The following NEGR1 variants were observed in gnomAD, a reference collection of about 807,000 sequenced individuals.
The protein encoded by NEGR1 is IgLON family member 4.
In NEGR1, 10 loss-of-function variants were observed where a neutral mutation model predicts 40.9. That is an observed-to-expected ratio of 0.24 (90% CI 0.15 to 0.42). The LOEUF is 0.42. Ranked by LOEUF, NEGR1 falls within the 10% of genes least tolerant of loss-of-function variation. The probability of loss-of-function intolerance (pLI) is 1.00; values close to 1 mark genes in which losing one functional copy is unlikely to be tolerated. For missense variants in NEGR1, 352 were observed against 438.9 expected (o/e 0.80, Z 1.77); for synonymous variants, 185 against 166.8 (o/e 1.11, Z -0.84).
chr1:72,110,767 C>A (rs780223231), intron 1 of NEGR1, among the ~76,000 whole-genome samples: 2 of 151,410 alleles, frequency 1.3e-5, no homozygotes, highest in African/African-American at 2.4e-5. Context: ...CTTGTTTTCA[C>A]GACTTTTTAC....
At chr1:72,064,160 G>A (rs1237602217) in intron 1 of NEGR1, among the ~76,000 whole-genome samples, 2 of 151,974 alleles carry the variant, frequency 1.3e-5, no homozygotes, top group Non-Finnish European at 2.9e-5. Flanking sequence ...GCAGAGAAGT[G>A]ATGGGTAATT....
At chr1:71,459,120 T>C (rs1646696120) in intron 6 of NEGR1, among the ~76,000 whole-genome samples, 1 of 152,300 alleles carries the variant, frequency 6.6e-6, no homozygotes, top group South Asian at 2.1e-4. Flanking sequence ...TAAGTAAAAA[T>C]TAAGTTCTCC....
At chr1:71,764,845 GA>G (rs1461160600) in intron 3 of NEGR1, among the ~76,000 whole-genome samples, 1 of 152,126 alleles carries the variant, frequency 6.6e-6, no homozygotes, top group Non-Finnish European at 1.5e-5. Context: ...TGAGCTGATC[GA>G]AAATCAGAAA....
At position 71,486,323 on chromosome 1, in the gene NEGR1, T is replaced by A. The variant is rs566412724; in HGVS notation, c.941-78753A>T. 2.0e-5 allele frequency: 3 copies of A among 151,694 alleles called. No individual in the cohort carries two copies. The East Asian group carries it at 5.9e-4, about 30-fold the overall frequency. The allele number at this position is 151,694 out of a possible 1,614,324, so 9.4% of individuals were successfully genotyped here. ...TGTTTTTATTGTTGGGTTTTAAGAG[T>A]TCTTTACATGTTTTGGGTAACATTC... On this transcript the variant is annotated intron_variant, in intron 6 of 6. Coordinates refer to ENST00000357731, the MANE Select transcript of NEGR1 (RefSeq NM_173808.3).
intron 3 of NEGR1, among the ~76,000 whole-genome samples, chr1:71,722,638 T>C (rs570614401): frequency 6.6e-6 from 1 of 152,254 alleles, no homozygotes; most frequent in Non-Finnish European, 1.5e-5. Context: ...GCAAGCCTTT[T>C]TAACATTGCT....
chr1:72,122,393 C>T (rs536263181), intron 1 of NEGR1, among the ~76,000 whole-genome samples: 25 of 151,954 alleles, frequency 1.6e-4, no homozygotes, highest in African/African-American at 5.8e-4. Flanking sequence ...TACAAATACG[C>T]GATTTCATAT....
chr1:72,127,463 CAAAAAAAAA>C (rs56301492), intron 1 of NEGR1, among the ~76,000 whole-genome samples: 21 of 39,302 alleles, frequency 5.3e-4, no homozygotes, highest in African/African-American at 1.5e-3. Flanking sequence ...GGCTCTGTCT[CAAAAAAAAA>C]AAAAAAAAAA....
rs12732865 is a variant in NEGR1, at chr1:71,816,752, T to C, written c.410-40455A>G. On this transcript the variant is annotated intron_variant, in intron 2 of 6. Transcript: ENST00000357731. ...CTGTTCCCATTCCCCAATCTACCAA[T>C]TAATCTGCATCTGTGCCCACACTCT... Among the ~76,000 whole-genome samples, 439 of 152,094 alleles carry C rather than the reference T, an allele frequency of 2.9e-3. 2 individuals are homozygous for C. The highest frequency in any genetic ancestry group is 5.4e-3 in the Non-Finnish European group (368 of 67,948).
At chr1:71,621,481 A>G (rs561311699) in intron 4 of NEGR1, among the ~76,000 whole-genome samples, 3 of 151,932 alleles carry the variant, frequency 2.0e-5, no homozygotes, top group South Asian at 2.1e-4. Context: ...AAGAAAGACA[A>G]TAAGTGAAAT....
At chr1:71,598,899 A>AT (rs1430809045) in intron 5 of NEGR1, among the ~76,000 whole-genome samples, 2 of 152,068 alleles carry the variant, frequency 1.3e-5, no homozygotes, top group African/African-American at 2.4e-5. Flanking sequence ...TATTTGTGTG[A>AT]TTTTTTATTA....
At chr1:71,996,305 G>C (rs1010947471) in intron 1 of NEGR1, among the ~76,000 whole-genome samples, 1 of 152,048 alleles carries the variant, frequency 6.6e-6, no homozygotes, top group African/African-American at 2.4e-5. Flanking sequence ...GCTATAAGAA[G>C]TCACACAATT....
chr1:71,808,742 A>T (rs1355835162), intron 2 of NEGR1, among the ~76,000 whole-genome samples: 1 of 152,162 alleles, frequency 6.6e-6, no homozygotes, highest in Non-Finnish European at 1.5e-5. Flanking sequence ...TTCAGAAAAA[A>T]AAAGAACAAT....
At chr1:71,975,585 T>A (rs1646294714) in intron 1 of NEGR1, among the ~76,000 whole-genome samples, 1 of 152,162 alleles carries the variant, frequency 6.6e-6, no homozygotes, top group Non-Finnish European at 1.5e-5. Context: ...TGTAATGAAA[T>A]CAACACAGGC....
intron 3 of NEGR1, among the ~76,000 whole-genome samples, chr1:71,748,368 T>C (rs1472997759): frequency 6.6e-6 from 1 of 152,206 alleles, no homozygotes; most frequent in Non-Finnish European, 1.5e-5. Flanking sequence ...TGATGAAACA[T>C]ACAAATAGGT....
At chr1:71,855,346 T>G (rs913887473) in intron 2 of NEGR1, among the ~76,000 whole-genome samples, 1 of 152,022 alleles carries the variant, frequency 6.6e-6, no homozygotes, top group African/African-American at 2.4e-5. Context: ...CCTTAATAAT[T>G]TTTTTTCTTA....
chr1:71,411,306 G>C (rs1045572577), intron 6 of NEGR1, among the ~76,000 whole-genome samples: 5 of 152,046 alleles, frequency 3.3e-5, no homozygotes, highest in Non-Finnish European at 5.9e-5. Context: ...TAAGTATTTT[G>C]AGCAAGAAGA....
intron 4 of NEGR1, among the ~76,000 whole-genome samples, chr1:71,628,737 C>T (rs1650871764): frequency 6.6e-6 from 1 of 151,966 alleles, no homozygotes; most frequent in Non-Finnish European, 1.5e-5. Context: ...CTGCAAAGGA[C>T]ATGAACTCAT....
intron 6 of NEGR1, among the ~76,000 whole-genome samples, chr1:71,498,739 T>G (rs942675165): frequency 2.6e-5 from 4 of 152,174 alleles, no homozygotes; most frequent in Non-Finnish European, 5.9e-5. Context: ...TTGCAGTTGA[T>G]TATGCAATCT....
chr1:71,613,444 C>T (rs1018025494), intron 4 of NEGR1, among the ~76,000 whole-genome samples: 8 of 151,830 alleles, frequency 5.3e-5, no homozygotes, highest in Middle Eastern at 3.4e-3. Flanking sequence ...GTCAGGAGTT[C>T]GAGACCAGCC....
Sources: allele counts gnomAD v4.1 joint callset (sites outside exome capture counted in the v4.1 genomes callset), GRCh38; gene constraint gnomAD v4.1.1; transcripts MANE v1.5; gene names NCBI Gene and HGNC (gene_info 2026-07-23, HGNC 2026-07-21).